LRRC63: variants seen among roughly 807,000 people sequenced by gnomAD.
The protein encoded by LRRC63 is leucine rich repeat containing 63.
A neutral mutation model predicts 49.5 loss-of-function variants in LRRC63; 40 were observed. The observed-to-expected ratio is 0.81, with a 90% CI of 0.63 to 1.05. LRRC63 has a LOEUF of 1.05. Ranked by LOEUF, LRRC63 falls within the 50% of genes least tolerant of loss-of-function variation. The pLI is 0.00. For missense variants in LRRC63, 636 were observed against 663.1 expected (o/e 0.96, Z 0.45); for synonymous variants, 191 against 221.1 (o/e 0.86, Z 1.21).
At chr13:46,228,612 A>G in intron 3 of LRRC63, 53 bp from the exon 4 acceptor site, 3 of 1,065,182 alleles carry the variant, frequency 2.8e-6, no homozygotes, top group Admixed American at 2.2e-5. Flanking sequence ...AAAACCCTCA[A>G]GTGAATTTTT....
chr13:46,267,078 A>G, intron 9 of LRRC63, 106 bp downstream of exon 9: 1 of 1,038,248 alleles, frequency 9.6e-7, no homozygotes, highest in African/African-American at 1.6e-5. Context: ...CACATACTCC[A>G]TGACACACAC....
intron 2 of LRRC63, among the ~76,000 whole-genome samples, chr13:46,215,286 C>T (rs1325563814): frequency 6.6e-6 from 1 of 152,152 alleles, no homozygotes; most frequent in East Asian, 1.9e-4. Context: ...TGTTTCCTGA[C>T]TTTTTAATAA....
chr13:46,241,290 A>G (rs1368314950), intron 5 of LRRC63, among the ~76,000 whole-genome samples: 2 of 152,214 alleles, frequency 1.3e-5, no homozygotes, highest in Non-Finnish European at 2.9e-5. Flanking sequence ...TTGAAACTGG[A>G]CCCCTTCCAT....
In LRRC63 at chr13:46,244,548, T is replaced by C. The variant is rs80190123; in HGVS notation, c.991-1979T>C. Among the ~76,000 whole-genome samples the C allele has an allele frequency of 1.4e-3, 211 of 152,320 alleles. 5 individuals carry two copies. In the East Asian group the frequency reaches 0.031, roughly 22 times the overall value. ...GCTTTGGCAGGTCAAGGCAGGAGGA[T>C]TCCTTGATGCCAGGTGTTTGAGGAC... is the stretch of plus-strand genomic sequence containing the variant. On this transcript the variant is annotated intron_variant, in intron 5 of 9. Coordinates refer to ENST00000595396, the Ensembl canonical transcript of LRRC63.
chr13:46,219,786 G>A (rs2046353178), intron 2 of LRRC63, among the ~76,000 whole-genome samples: 1 of 152,164 alleles, frequency 6.6e-6, no homozygotes, highest in Non-Finnish European at 1.5e-5. Flanking sequence ...TGGGGTTTCT[G>A]TGTGGACATC....
chr13:46,270,037 T>G, intron 9 of LRRC63: 1 of 500,722 alleles, frequency 2.0e-6, no homozygotes, highest in South Asian at 2.1e-5. Flanking sequence ...ATATCTATAA[T>G]AAAGTTTAAT....
intron 7 of LRRC63, among the ~76,000 whole-genome samples, chr13:46,251,734 T>C (rs1054249244): frequency 6.6e-6 from 1 of 151,880 alleles, no homozygotes; most frequent in Non-Finnish European, 1.5e-5. Flanking sequence ...CACACAGAAC[T>C]ATATATGTAT....
chr13:46,267,017 C>T (rs2047693026), intron 9 of LRRC63, 45 bp downstream of exon 9: 1 of 1,466,578 alleles, frequency 6.8e-7, no homozygotes, highest in African/African-American at 1.4e-5. Flanking sequence ...TACCTTTAAG[C>T]ATTAAAATGT....
intron 9 of LRRC63, among the ~76,000 whole-genome samples, chr13:46,275,494 C>G (rs2047822538): frequency 6.6e-6 from 1 of 151,842 alleles, no homozygotes; most frequent in South Asian, 2.1e-4. Flanking sequence ...TACTTTTTGT[C>G]TTTTTTATAA....
At chr13:46,269,398 G>A (rs916935153) in intron 9 of LRRC63, among the ~76,000 whole-genome samples, 4 of 152,104 alleles carry the variant, frequency 2.6e-5, no homozygotes, top group African/African-American at 7.2e-5. Flanking sequence ...TGACAGAATA[G>A]CACTGTGGAT....
At chr13:46,266,551 AC>A (rs2047686671) in intron 8 of LRRC63, among the ~76,000 whole-genome samples, 181 bp from the exon 9 acceptor site, 1 of 152,198 alleles carries the variant, frequency 6.6e-6, no homozygotes, top group Non-Finnish European at 1.5e-5. Context: ...TTTGCATAAT[AC>A]TATATTGGTT....
In LRRC63 at chr13:46,266,777, T is replaced by TC; in HGVS notation, c.1360dup (p.His454ProfsTer7). ...GTTGATGGGAATGAACTGAGTTTTT[T>TC]CCCCCATGGAATTTTGAAGCTTAAC... On this transcript the variant is annotated frameshift_variant, in exon 9 of 10. Coordinates refer to ENST00000595396, the Ensembl canonical transcript of LRRC63. LOFTEE classifies it high-confidence loss of function. The TC allele has an allele frequency of 6.5e-7, 1 of 1,550,004 alleles. No individual in the cohort carries two copies.
At chr13:46,250,455 C>T in exon 7 of LRRC63, 1 of 1,535,934 alleles carries the variant, frequency 6.5e-7, no homozygotes, top group Non-Finnish European at 8.8e-7. Flanking sequence ...AGAATTTTCA[C>T]CATTGCTTTT....
rs2047840073 is a variant in LRRC63, at chr13:46,276,567, A to G, written c.1551-23A>G. 2.6e-6 allele frequency: 3 copies of G among 1,156,060 alleles called. No individual in the cohort carries two copies. The African/African-American group carries it at 4.8e-5, about 18-fold the overall frequency. 71.6% of individuals were successfully genotyped at this position (1,156,060 alleles called of 1,614,324 possible). Reference sequence around the variant, plus strand: ...TTTAGTAAAAATTTATTAAATATTGACTTGCTGTTTCCTCCATTTCAGCAC... The same window carrying G: ...TTTAGTAAAAATTTATTAAATATTGGCTTGCTGTTTCCTCCATTTCAGCAC... On this transcript the variant is annotated intron_variant, in intron 9 of 9. Transcript: ENST00000595396.
At chr13:46,225,950 A>G (rs2046560784) in intron 2 of LRRC63, among the ~76,000 whole-genome samples, 2 of 150,322 alleles carry the variant, frequency 1.3e-5, no homozygotes, top group African/African-American at 4.9e-5. Flanking sequence ...CTTCAACCCT[A>G]TTTTTTTACT....
exon 7 of LRRC63, chr13:46,250,421 G>C (rs1307571160): frequency 6.5e-7 from 1 of 1,531,564 alleles, no homozygotes; most frequent in Non-Finnish European, 8.8e-7. Flanking sequence ...AATTCCTTCT[G>C]AAATTCAACA....
At chr13:46,213,631 G>A (rs1324882110) in intron 2 of LRRC63, among the ~76,000 whole-genome samples, 1 of 152,248 alleles carries the variant, frequency 6.6e-6, no homozygotes, top group African/African-American at 2.4e-5. Flanking sequence ...GCCTTACAGA[G>A]AACAAGATAT....
chr13:46,212,746 T>C (rs940569824), intron 1 of LRRC63, among the ~76,000 whole-genome samples: 3 of 152,242 alleles, frequency 2.0e-5, no homozygotes, highest in African/African-American at 7.2e-5. Context: ...TGTAGAATGA[T>C]CCTGGGTAGT....
intron 5 of LRRC63, among the ~76,000 whole-genome samples, chr13:46,241,128 T>A (rs2138476337): frequency 6.6e-6 from 1 of 152,242 alleles, no homozygotes. Context: ...AACAAACACA[T>A]AGACCAATGG....
Sources: allele counts gnomAD v4.1 joint callset (sites outside exome capture counted in the v4.1 genomes callset), GRCh38; gene constraint gnomAD v4.1.1; transcripts MANE v1.5; gene names NCBI Gene and HGNC (gene_info 2026-07-23, HGNC 2026-07-21).